The following PTPRG variants were observed in gnomAD, a reference collection of about 807,000 sequenced individuals.
PTPRG encodes receptor-type tyrosine-protein phosphatase gamma.
PTPRG carries 102 observed loss-of-function variants against 165.3 expected under a neutral mutation model. The observed-to-expected ratio is 0.62, with a 90% CI of 0.53 to 0.73. PTPRG has a LOEUF of 0.73. PTPRG is among the 30% of genes least tolerant of loss of function. The probability of loss-of-function intolerance (pLI) is 0.00; values close to 1 mark genes in which losing one functional copy is unlikely to be tolerated. For missense variants in PTPRG, 1,866 were observed against 1,861.4 expected, an observed-to-expected ratio of 1.00 and a Z score of -0.05; for synonymous variants, 675 against 669.5, an observed-to-expected ratio of 1.01 and a Z score of -0.13.
At chr3:62,072,579 T>C (rs1352550046) in intron 4 of PTPRG, among the ~76,000 whole-genome samples, 1 of 151,806 alleles carries the variant, frequency 6.6e-6, no homozygotes, top group South Asian at 2.1e-4. Flanking sequence ...TTGAGTTTCA[T>C]AGAGTTTGTT....
chr3:61,576,217 G>T (rs1700170001), intron 1 of PTPRG, among the ~76,000 whole-genome samples: 1 of 152,144 alleles, frequency 6.6e-6, no homozygotes, highest in African/African-American at 2.4e-5. Context: ...TTTGACAGAG[G>T]TTTAGCAAAG....
intron 2 of PTPRG, among the ~76,000 whole-genome samples, chr3:61,973,960 A>G (rs1353178963): frequency 6.6e-6 from 1 of 152,132 alleles, no homozygotes; most frequent in Non-Finnish European, 1.5e-5. Context: ...GATAATGTAC[A>G]TAGACTACTG....
intron 2 of PTPRG, among the ~76,000 whole-genome samples, chr3:61,764,623 G>A (rs1182409148): frequency 6.6e-6 from 1 of 152,200 alleles, no homozygotes; most frequent in African/African-American, 2.4e-5. Flanking sequence ...AACACAGAGG[G>A]ACTGAGCCTT....
At position 62,282,820 on chromosome 3, in the gene PTPRG, A is replaced by C. The variant is rs1702503167; in HGVS notation, c.4006A>C (p.Ile1336Leu). ...TAGTACCTTTGAACTTATCAACGTC[A>C]TCAAGGAAGAGGCCTTAACAAGGGA... ...ISSTFELINV[I>L]KEEALTRDGP... The change falls in exon 28 of 30, where the codon ATC becomes CTC. Residue 1336 changes from isoleucine to leucine, a missense_variant. Around this residue, in one of 3 missense-constraint regions of PTPRG, gnomAD observed 1,452 missense variants for 1,463.0 expected, o/e 0.99. Transcript: ENST00000474889. 6.2e-7 allele frequency: 1 copy of C among 1,611,910 alleles called. No homozygotes were observed. The highest frequency in any genetic ancestry group is 1.3e-5 in the African/African-American group (1 of 74,760).
At position 61,908,818 on chromosome 3, in the gene PTPRG, A is replaced by G. The variant is rs112334600; in HGVS notation, c.191-80807A>G. Among the ~76,000 whole-genome samples, 766 of 152,326 alleles carry G rather than the reference A, an allele frequency of 5.0e-3. 7 individuals carry two copies. Among genetic ancestry groups the G allele is most frequent in the African/African-American group, 0.017 (725 of 41,570 alleles). Reference sequence around the variant, plus strand: ...GTTGCAGTGATTGCAGGTTTAAATCATGTTAGGGCTTAGGCTTAACACGTA... The same window carrying G: ...GTTGCAGTGATTGCAGGTTTAAATCGTGTTAGGGCTTAGGCTTAACACGTA... On this transcript the variant is annotated intron_variant, in intron 2 of 29. Transcript: ENST00000474889.
intron 1 of PTPRG, among the ~76,000 whole-genome samples, chr3:61,722,580 T>C (rs1369383274): frequency 6.6e-6 from 1 of 152,182 alleles, no homozygotes; most frequent in African/African-American, 2.4e-5. Context: ...TGTTTATGCA[T>C]AAGTCTTCCT....
At chr3:61,878,675 T>C (rs1280852834) in intron 2 of PTPRG, among the ~76,000 whole-genome samples, 1 of 152,004 alleles carries the variant, frequency 6.6e-6, no homozygotes, top group African/African-American at 2.4e-5. Context: ...ATTTTATTTT[T>C]TTATCTTTAG....
At chr3:61,796,466 A>G (rs2035046812) in intron 2 of PTPRG, among the ~76,000 whole-genome samples, 1 of 152,236 alleles carries the variant, frequency 6.6e-6, no homozygotes, top group East Asian at 1.9e-4. Flanking sequence ...CCAGCTCCAG[A>G]GCCTGAGTGG....
chr3:61,672,168 C>T (rs1404611911), intron 1 of PTPRG, among the ~76,000 whole-genome samples: 5 of 142,780 alleles, frequency 3.5e-5, no homozygotes, highest in Non-Finnish European at 6.1e-5. Context: ...TGATGGCGGC[C>T]GGGAAGAGGC....
rs1020659041 is a variant in PTPRG, at chr3:62,295,590, T to G, written c.*2283T>G. ...GCTGTCCCTTACAGTGGTTTCAGAA[T>G]CACGAAAAAACAGCTAGTAAATAGG... On this transcript the variant is annotated 3_prime_UTR_variant, in exon 30 of 30. Transcript: ENST00000474889. 1 of 151,934 alleles carries G rather than the reference T, an allele frequency of 6.6e-6. No homozygotes were observed. Among genetic ancestry groups the G allele is most frequent in the African/African-American group, 2.4e-5 (1 of 41,384 alleles). The allele number at this position is 151,934 out of a possible 1,614,324, so 9.4% of individuals were successfully genotyped here. A position where few individuals can be genotyped will look rare whatever the true frequency, so the allele number is the denominator to read the frequency against.
At chr3:62,169,255 C>A (rs1424292787) in intron 8 of PTPRG, among the ~76,000 whole-genome samples, 1 of 152,116 alleles carries the variant, frequency 6.6e-6, no homozygotes, top group Non-Finnish European at 1.5e-5. Flanking sequence ...GCCAGTATTT[C>A]CCTGTCTCCT....
intron 14 of PTPRG, among the ~76,000 whole-genome samples, chr3:62,235,071 A>G (rs974376918): frequency 6.6e-6 from 1 of 152,218 alleles, no homozygotes; most frequent in Non-Finnish European, 1.5e-5. Context: ...ATATTAACAA[A>G]ATAAGGAGTT....
intron 2 of PTPRG, among the ~76,000 whole-genome samples, chr3:61,871,163 G>GTGTTATGTTATGTTATGTTA (rs201503322): frequency 4.3e-5 from 5 of 116,580 alleles, no homozygotes; most frequent in Admixed American, 8.9e-5. Context: ...GTGTTGTGTT[G>GTGTTATGTTATGTTATGTTA]TGTTATGTTA....
intron 2 of PTPRG, among the ~76,000 whole-genome samples, chr3:61,967,748 G>T (rs2040302459): frequency 6.6e-6 from 1 of 152,186 alleles, no homozygotes; most frequent in South Asian, 2.1e-4. Context: ...TAAGACAGCT[G>T]TGTCTATCTT....
chr3:61,719,404 A>G (rs2031953745), intron 1 of PTPRG, among the ~76,000 whole-genome samples: 1 of 151,950 alleles, frequency 6.6e-6, no homozygotes, highest in Admixed American at 6.6e-5. Flanking sequence ...TTCTTGCTAA[A>G]GTGTGTGGGG....
intron 1 of PTPRG, among the ~76,000 whole-genome samples, chr3:61,608,650 G>A (rs190645920): frequency 1.3e-5 from 2 of 152,312 alleles, no homozygotes; most frequent in East Asian, 3.9e-4. Context: ...CTGGAAGCCT[G>A]CCTTTCCTTT....
chr3:62,076,726 C>G (rs1701400452), intron 4 of PTPRG, among the ~76,000 whole-genome samples: 1 of 151,942 alleles, frequency 6.6e-6, no homozygotes. Context: ...GGATTGCAGG[C>G]ATGCACCACC....
intron 6 of PTPRG, among the ~76,000 whole-genome samples, chr3:62,148,172 A>T (rs1438652287): frequency 6.6e-6 from 1 of 152,102 alleles, no homozygotes; most frequent in East Asian, 1.9e-4. Context: ...CAGAGAAAAC[A>T]TACTGAGATG....
At chr3:61,666,330 G>A (rs2365937) in intron 1 of PTPRG, among the ~76,000 whole-genome samples, 146,318 of 152,310 alleles carry the variant, frequency 0.96, 70,483 homozygotes, top group Non-Finnish European at 1. Flanking sequence ...TTTGATAGCA[G>A]TTCACAGACT....
Sources: gnomAD v4.1 joint callset for allele counts (sites outside exome capture counted in the v4.1 genomes callset) on GRCh38, gnomAD v4.1.1 for gene constraint, gnomAD v4.1.1 regional missense constraint, MANE v1.5 for transcripts, NCBI Gene and HGNC (gene_info 2026-07-23, HGNC 2026-07-21) for gene names.